The following PEX5L variants were observed in gnomAD, a reference collection of about 807,000 sequenced individuals.
The protein encoded by PEX5L is PEX5-related protein.
In PEX5L, 30 loss-of-function variants were observed where a neutral mutation model predicts 84.0. That is an observed-to-expected ratio of 0.36 (90% CI 0.27 to 0.48). The LOEUF is 0.48. Ranked by LOEUF, PEX5L falls within the 20% of genes least tolerant of loss-of-function variation. The pLI, the probability that PEX5L is intolerant of heterozygous loss-of-function variation, is 0.99. For missense variants in PEX5L, 533 were observed against 754.6 expected (o/e 0.71, Z 3.44); for synonymous variants, 270 against 283.1 (o/e 0.95, Z 0.46).
At chr3:179,874,738 GTTT>G (rs3836472) in intron 6 of PEX5L, among the ~76,000 whole-genome samples, 2 of 45,980 alleles carry the variant, frequency 4.3e-5, no homozygotes, top group Non-Finnish European at 7.4e-5. Context: ...TTTTTTTTTT[GTTT>G]TTTTTTTTTT....
Position 179,825,183 on chromosome 3 carries a change from A to G in PEX5L, c.823-5207T>C, listed in dbSNP as rs191037059. Among the ~76,000 whole-genome samples, 54 of 152,332 alleles carry G rather than the reference A, an allele frequency of 3.5e-4. No homozygotes were observed. The East Asian group carries it at 0.01, about 28-fold the overall frequency. Reference sequence around the variant, plus strand: ...GGGTAAAGGAGCAACTCACCTGCTAACACAATCATCAGGGGGATGCTGAGA... The same window carrying G: ...GGGTAAAGGAGCAACTCACCTGCTAGCACAATCATCAGGGGGATGCTGAGA... On this transcript the variant is annotated intron_variant, in intron 8 of 14. Transcript: ENST00000467460.
chr3:179,826,416 G>T lies in PEX5L; in HGVS notation c.823-6440C>A, dbSNP rs115407714. Among the ~76,000 whole-genome samples the T allele has an allele frequency of 7.0e-3, 1,070 of 152,260 alleles. 4 individuals carry two copies. Among genetic ancestry groups the T allele is most frequent in the Non-Finnish European group, 0.011 (778 of 68,018 alleles). On this transcript the variant is annotated intron_variant, in intron 8 of 14. Coordinates refer to ENST00000467460, the MANE Select transcript of PEX5L (RefSeq NM_016559.3). The stretch of plus-strand genomic sequence containing the variant: ...TGGAATTTCACATGATTATATCTGT[G>T]TTCTTGGCTCCTGTGGTATTTGCCT...
chr3:179,986,653 T>C (rs895339756), intron 1 of PEX5L, among the ~76,000 whole-genome samples: 11 of 152,034 alleles, frequency 7.2e-5, no homozygotes, highest in East Asian at 1.9e-4. Context: ...CCGCCCGTCT[T>C]GGCCTCCCAA....
chr3:179,959,059 C>T (rs561977235), intron 2 of PEX5L, among the ~76,000 whole-genome samples: 2 of 48,896 alleles, frequency 4.1e-5, no homozygotes, highest in South Asian at 9.4e-4. Flanking sequence ...AAAACAAAAC[C>T]GAAAAAAAAA....
chr3:180,010,101 G>C (rs1005279299), intron 1 of PEX5L, among the ~76,000 whole-genome samples: 1 of 151,802 alleles, frequency 6.6e-6, no homozygotes, highest in Non-Finnish European at 1.5e-5. Context: ...CCGCCACCAC[G>C]TCTGGCTACT....
intron 2 of PEX5L, among the ~76,000 whole-genome samples, chr3:179,906,230 C>T (rs1352216600): frequency 6.6e-6 from 1 of 152,198 alleles, no homozygotes; most frequent in African/African-American, 2.4e-5. Flanking sequence ...CTTACCATGT[C>T]CCAGGACTTA....
At chr3:179,813,486 C>T (rs72622573) in intron 10 of PEX5L, among the ~76,000 whole-genome samples, 33,652 of 151,916 alleles carry the variant, frequency 0.22, 4,135 homozygotes, top group African/African-American at 0.33. Context: ...TCTTCTACAA[C>T]GAGAATATAT....
intron 1 of PEX5L, among the ~76,000 whole-genome samples, chr3:180,011,428 T>C (rs965967209): frequency 6.6e-6 from 1 of 152,142 alleles, no homozygotes; most frequent in Non-Finnish European, 1.5e-5. Context: ...AAGAAAACAG[T>C]AGCATGCTCC....
intron 14 of PEX5L, among the ~76,000 whole-genome samples, chr3:179,805,650 T>A (rs1024520474): frequency 2.6e-5 from 4 of 152,218 alleles, no homozygotes; most frequent in African/African-American, 9.7e-5. Context: ...CCATGCAATA[T>A]TTGGAAAATA....
At chr3:179,916,671 A>T (rs1308923063) in intron 2 of PEX5L, among the ~76,000 whole-genome samples, 2 of 151,340 alleles carry the variant, frequency 1.3e-5, no homozygotes, top group Non-Finnish European at 2.9e-5. Context: ...TAAATTAACC[A>T]CCCCCCCTTT....
intron 2 of PEX5L, among the ~76,000 whole-genome samples, chr3:179,925,816 T>A (rs1023695738): frequency 2.6e-5 from 4 of 152,204 alleles, no homozygotes; most frequent in African/African-American, 9.6e-5. Flanking sequence ...TCTGCCCAAA[T>A]CTTCTTATTC....
intron 1 of PEX5L, among the ~76,000 whole-genome samples, chr3:180,019,712 C>T (rs1482853279): frequency 6.6e-6 from 1 of 152,162 alleles, no homozygotes; most frequent in Non-Finnish European, 1.5e-5. Context: ...AGAAATACTT[C>T]CCACTGCAAC....
intron 4 of PEX5L, among the ~76,000 whole-genome samples, chr3:179,885,637 C>T (rs2108830964): frequency 6.6e-6 from 1 of 150,728 alleles, no homozygotes; most frequent in Admixed American, 6.6e-5. Flanking sequence ...CAGAGCGAGA[C>T]TCCGTCTCAG....
At chr3:180,027,719 G>T (rs779507383) in intron 1 of PEX5L, among the ~76,000 whole-genome samples, 2 of 152,114 alleles carry the variant, frequency 1.3e-5, no homozygotes, top group Non-Finnish European at 2.9e-5. Context: ...TGTCCTTATA[G>T]CAATTTCCTT....
At chr3:179,910,238 T>C (rs1305908424) in intron 2 of PEX5L, among the ~76,000 whole-genome samples, 2 of 152,212 alleles carry the variant, frequency 1.3e-5, no homozygotes, top group African/African-American at 4.8e-5. Context: ...AAAATAAATG[T>C]AAATGAAGAT....
rs1476634648 is a variant in PEX5L, at chr3:179,797,475, G to A, written c.*4353C>T. 2 of 151,624 alleles carry A rather than the reference G, an allele frequency of 1.3e-5. No homozygotes were observed. Among genetic ancestry groups the A allele is most frequent in the African/African-American group, 4.8e-5 (2 of 41,274 alleles). 9.4% of individuals were successfully genotyped at this position (151,624 alleles called of 1,614,324 possible). A position where few individuals can be genotyped will look rare whatever the true frequency, so the allele number is the denominator to read the frequency against. Reference sequence around the variant, plus strand: ...CATGCTTTGGTTAATATTTGAGTAGGCAAATTTGCAATACTAATGCATGCA... The same window carrying A: ...CATGCTTTGGTTAATATTTGAGTAGACAAATTTGCAATACTAATGCATGCA... On this transcript the variant is annotated 3_prime_UTR_variant, in exon 15 of 15. Transcript: ENST00000467460.
chr3:179,879,842 T>G, intron 5 of PEX5L, 87 bp downstream of exon 5: 1 of 908,304 alleles, frequency 1.1e-6, no homozygotes. Context: ...CTTTGTTCTC[T>G]GTTTAATGCC....
At chr3:179,968,090 C>T (rs999378559) in intron 2 of PEX5L, among the ~76,000 whole-genome samples, 7 of 152,096 alleles carry the variant, frequency 4.6e-5, no homozygotes, top group African/African-American at 1.2e-4. Context: ...TGCTGTTAAA[C>T]CCATTTTTAC....
intron 1 of PEX5L, among the ~76,000 whole-genome samples, chr3:179,978,144 G>T (rs1785990187): frequency 6.6e-6 from 1 of 152,190 alleles, no homozygotes; most frequent in East Asian, 1.9e-4. Context: ...TTACTAACTA[G>T]CTGGATAATA....
Sources: gnomAD v4.1 joint callset for allele counts (sites outside exome capture counted in the v4.1 genomes callset) on GRCh38, gnomAD v4.1.1 for gene constraint, MANE v1.5 for transcripts, NCBI Gene and HGNC (gene_info 2026-07-23, HGNC 2026-07-21) for gene names.